Variants in SERPINB4 observed in about 807,000 individuals in gnomAD.
SERPINB4 encodes serpin B4.
In SERPINB4, 39 loss-of-function variants were observed where a neutral mutation model predicts 33.2. That is an observed-to-expected ratio of 1.18 (90% CI 0.91 to 1.53). The LOEUF is 1.53. Ranked by LOEUF, SERPINB4 falls within the 40% of genes most tolerant of loss-of-function variation. SERPINB4 has a pLI of 0.00. For synonymous variants in SERPINB4, 191 were observed against 166.4 expected (o/e 1.15, Z -1.14); for missense variants, 564 against 455.4 (o/e 1.24, Z -2.17).
In SERPINB4 at chr18:63,637,861, G is replaced by A. The variant is rs1291155227; in HGVS notation, c.1031C>T (p.Ala344Val). The stretch of plus-strand genomic sequence containing the variant: ...GACTACTACTACAGCGGTGGCAGCT[G>A]CAGCTTCCACTCCCTCCTCAGTGAC... ...VEVTEEGVEA[A>V]AATAVVVVEL... is the part of the protein sequence containing the mutation. Residue 344 changes from alanine (A) to valine (V), a missense_variant, in exon 8 of 8, where the codon GCA becomes GTA. Ala to Val is a moderately conservative substitution (Grantham distance 64). Transcript: ENST00000341074. 1 of 1,613,484 alleles carries A rather than the reference G, an allele frequency of 6.2e-7. No homozygotes were observed. The highest frequency in any genetic ancestry group is 8.5e-7 in the Non-Finnish European group (1 of 1,179,710).
intron 5 of SERPINB4, 87 bp downstream of exon 5, chr18:63,640,787 C>T: frequency 8.7e-7 from 1 of 1,150,578 alleles, no homozygotes. Context: ...TCTCAATCCC[C>T]ACACCTGTTC....
intron 7 of SERPINB4, 137 bp downstream of exon 7, chr18:63,639,048 G>T (rs953267740): frequency 5.1e-6 from 5 of 988,202 alleles, no homozygotes; most frequent in Non-Finnish European, 5.7e-6. Flanking sequence ...GTAATATGAA[G>T]GTGAGTCATC....
At chr18:63,638,861 A>G (rs1225677095) in intron 7 of SERPINB4, among the ~76,000 whole-genome samples, 1 of 150,436 alleles carries the variant, frequency 6.6e-6, no homozygotes, top group East Asian at 2.0e-4. Flanking sequence ...ACCTAACGCT[A>G]AATGACGAGT....
Position 63,643,173 on chromosome 18 carries a change from A to G in SERPINB4, c.210T>C (p.Ala70=). 19 of 1,613,360 alleles carry G rather than the reference A, an allele frequency of 1.2e-5. No homozygotes were observed. Among genetic ancestry groups the G allele is most frequent in the Non-Finnish European group, 1.6e-5 (19 of 1,179,550 alleles). The change falls in exon 3 of 8, where the codon GCT becomes GCC. Residue 70 remains alanine, a synonymous_variant. Coordinates refer to ENST00000341074, the MANE Select transcript of SERPINB4 (RefSeq NM_002974.4). ...CTCTGTGACTCACATGATATGTTGCAGCTTTTTCTGTGGTGTTCTCTGTGA... is the reference window on the plus strand; with the variant it reads ...CTCTGTGACTCACATGATATGTTGCGGCTTTTTCTGTGGTGTTCTCTGTGA... ...DQVTENTTEK[A]ATYHVDRSGN...
intron 4 of SERPINB4, among the ~76,000 whole-genome samples, 176 bp downstream of exon 4, chr18:63,641,584 T>C (rs772192285): frequency 7.2e-5 from 11 of 152,078 alleles, no homozygotes; most frequent in Non-Finnish European, 1.2e-4. Context: ...TGATGTATCG[T>C]TGGGGTCTGG....
intron 7 of SERPINB4, 145 bp from the exon 8 acceptor site, chr18:63,638,268 A>T: frequency 1.1e-6 from 1 of 903,664 alleles, no homozygotes; most frequent in Non-Finnish European, 1.6e-6. Flanking sequence ...TATTATTCTA[A>T]TAGGTAAAAT....
rs1033321737 is a variant in SERPINB4, at chr18:63,637,749, G to C, written c.1143C>G (p.Ile381Met). ...FFIRQNKTNS[I>M]LFYGRFSSP ...GGGATGAGAATCTGCCATAGAAGAG[G>C]ATGCTGTTGGTCTTATTTTGCCTTA... The change falls in exon 8 of 8, where the codon ATC (isoleucine) becomes ATG (methionine). Residue 381 changes from isoleucine to methionine, a missense_variant. By Grantham distance (10) the Ile-to-Met change is conservative (BLOSUM62 1). Coordinates refer to ENST00000341074, the MANE Select transcript of SERPINB4 (RefSeq NM_002974.4). The C allele has an allele frequency of 1.2e-6, 2 of 1,611,858 alleles. No individual in the cohort carries two copies. The highest frequency in any genetic ancestry group is 1.7e-6 in the Non-Finnish European group (2 of 1,178,864).
At chr18:63,643,783 T>C (rs1913222949) in intron 1 of SERPINB4, among the ~76,000 whole-genome samples, 180 bp from the exon 2 acceptor site, 1 of 152,178 alleles carries the variant, frequency 6.6e-6, no homozygotes, top group Non-Finnish European at 1.5e-5. Context: ...ATTAATGTCC[T>C]AATTAGAAGG....
Position 63,637,904 on chromosome 18 carries a change from G to A in SERPINB4, c.988C>T (p.His330Tyr), listed in dbSNP as rs2144461443. ...SHGLSVSKVL[H>Y]KAFVEVTEEG... ...TCAGTGACCTCCACAAAGGCCTTGT[G>A]TAGGACTTTAGATACTGAGAGACCG... Residue 330 changes from histidine (H) to tyrosine (Y), a missense_variant, in exon 8 of 8, where the codon CAC becomes TAC. His to Tyr is a moderately conservative substitution (Grantham distance 83). Transcript: ENST00000341074. 2.5e-6 allele frequency: 4 copies of A among 1,613,586 alleles called. No individual in the cohort carries two copies. Among genetic ancestry groups the A allele is most frequent in the Non-Finnish European group, 3.4e-6 (4 of 1,179,728 alleles).
chr18:63,638,037 A>C lies in SERPINB4; in HGVS notation c.855T>G (p.Pro285=). Residue 285 remains proline, a synonymous_variant, in exon 8 of 8, where the codon CCT becomes CCG. Transcript: ENST00000341074. Reference sequence around the variant, plus strand: ...CATAGCTCTCTTCCATTTTGAACCGAGGTAAGTGTAAATCGACACATGTCT... The same window carrying C: ...CATAGCTCTCTTCCATTTTGAACCGCGGTAAGTGTAAATCGACACATGTCT... The part of the protein sequence containing the change: ...MRETCVDLHL[P]RFKMEESYDL... The C allele has an allele frequency of 6.2e-7, 1 of 1,613,582 alleles. No homozygotes were observed. The highest frequency in any genetic ancestry group is 2.2e-5 in the East Asian group (1 of 44,860).
intron 5 of SERPINB4, among the ~76,000 whole-genome samples, chr18:63,640,654 C>G (rs992194757): frequency 6.6e-6 from 1 of 152,046 alleles, no homozygotes; most frequent in African/African-American, 2.4e-5. Flanking sequence ...AATAATTCTC[C>G]AGATGTGTTT....
rs770430151 is a variant in SERPINB4 at position 63,639,313 on chromosome 18, T to C, written c.640A>G (p.Arg214Gly). 12 of 1,612,126 alleles carry C rather than the reference T, an allele frequency of 7.4e-6. No individual in the cohort carries two copies. The South Asian group carries it at 1.2e-4, about 16-fold the overall frequency. Residue 214 changes from arginine (R) to glycine (G), a missense_variant, in exon 7 of 8, where the codon AGG becomes GGG. Transcript: ENST00000341074. ...GCAAAATTAAAGGAATTGTATTGCC[T>C]CATCATCTGTACAGATTTGTATGTA... Reference protein sequence around the residue: ...KNTYKSVQMMRQYNSFNFALL... With the variant: ...KNTYKSVQMMGQYNSFNFALL...
At position 63,639,788 on chromosome 18, in the gene SERPINB4, A is replaced by G. The variant is rs753867675; in HGVS notation, c.470-12T>C. The G allele has an allele frequency of 6.2e-7, 1 of 1,603,528 alleles. No homozygotes were observed. The highest frequency in any genetic ancestry group is 1.1e-5 in the South Asian group (1 of 89,364). On this transcript the variant is annotated splice_polypyrimidine_tract_variant and intron_variant, in intron 5 of 7. Coordinates refer to ENST00000341074, the MANE Select transcript of SERPINB4 (RefSeq NM_002974.4). Reference sequence around the variant, plus strand: ...GTTTTTAATTTTTTCTGCAAGGGAAAGAATAAAAGAGTCTTTTACACAAGC... The same window carrying G: ...GTTTTTAATTTTTTCTGCAAGGGAAGGAATAAAAGAGTCTTTTACACAAGC...
At chr18:63,643,817 A>C (rs1425343041) in intron 1 of SERPINB4, among the ~76,000 whole-genome samples, 1 of 152,118 alleles carries the variant, frequency 6.6e-6, no homozygotes, top group African/African-American at 2.4e-5. Context: ...GTTTTTAAAG[A>C]CTATTGTAAA....
chr18:63,638,083 G>C lies in SERPINB4; in HGVS notation c.809C>G (p.Thr270Arg), dbSNP rs1912998492. ...KLTAEKLMEW[T>R]SLQNMRETCV... ...TGTCTCTCTCATATTCTGCAAACTT[G>C]TCCATTCCATCAATTTCTCAGCAGT... Residue 270 changes from threonine (T) to arginine (R), a missense_variant, in exon 8 of 8, where the codon ACA (threonine) becomes AGA (arginine). Coordinates refer to ENST00000341074, the MANE Select transcript of SERPINB4 (RefSeq NM_002974.4). 3 of 1,613,114 alleles carry C rather than the reference G, an allele frequency of 1.9e-6. No homozygotes were observed. The highest frequency in any genetic ancestry group is 2.5e-6 in the Non-Finnish European group (3 of 1,179,588).
At chr18:63,643,274 A>G (rs372998586) in intron 2 of SERPINB4, 57 bp from the exon 3 acceptor site, 9 of 1,612,608 alleles carry the variant, frequency 5.6e-6, no homozygotes, top group Admixed American at 5.0e-5. Context: ...TGTTTAAGTC[A>G]GTGGTCTCAC....
At chr18:63,643,075 C>G (rs1913189142) in intron 3 of SERPINB4, 86 bp downstream of exon 3, 2 of 1,559,962 alleles carry the variant, frequency 1.3e-6, no homozygotes, top group Middle Eastern at 1.7e-4. Flanking sequence ...CTAAAACTGG[C>G]CTTTTCTTAG....
chr18:63,637,915 G>C lies in SERPINB4; in HGVS notation c.977C>G (p.Ser326Cys). The C allele has an allele frequency of 1.2e-6, 2 of 1,613,588 alleles. No homozygotes were observed. The highest frequency in any genetic ancestry group is 1.7e-6 in the Non-Finnish European group (2 of 1,179,738). The change falls in exon 8 of 8, where the codon TCT becomes TGT. Residue 326 changes from serine to cysteine, a missense_variant. By Grantham distance (112) the Ser-to-Cys change is moderately radical (BLOSUM62 -1). Coordinates refer to ENST00000341074, the MANE Select transcript of SERPINB4 (RefSeq NM_002974.4). ...CACAAAGGCCTTGTGTAGGACTTTA[G>C]ATACTGAGAGACCGTGGCTCCAGGT... ...GMTWSHGLSVSKVLHKAFVEV... is the reference protein window; with the variant it reads ...GMTWSHGLSVCKVLHKAFVEV...
rs1475674663 is a variant in SERPINB4 at position 63,639,319 on chromosome 18, T to A, written c.634A>T (p.Met212Leu). 1 of 1,611,706 alleles carries A rather than the reference T, an allele frequency of 6.2e-7. No individual in the cohort carries two copies. Among genetic ancestry groups the A allele is most frequent in the Non-Finnish European group, 8.5e-7 (1 of 1,178,546 alleles). ...PNKNTYKSVQ[M>L]MRQYNSFNFA... The stretch of plus-strand genomic sequence containing the variant: ...TTAAAGGAATTGTATTGCCTCATCA[T>A]CTGTACAGATTTGTATGTATTCTGC... The change falls in exon 7 of 8, where the codon ATG becomes TTG. Residue 212 changes from methionine to leucine, a missense_variant. Physicochemically the swap from Met to Leu is conservative, Grantham distance 15. Coordinates refer to ENST00000341074, the MANE Select transcript of SERPINB4 (RefSeq NM_002974.4).
Sources: gnomAD v4.1 joint callset for allele counts (sites outside exome capture counted in the v4.1 genomes callset) on GRCh38, gnomAD v4.1.1 for gene constraint, MANE v1.5 for transcripts, NCBI Gene and HGNC (gene_info 2026-07-23, HGNC 2026-07-21) for gene names.